Variants in ATP5MJ observed in about 807,000 individuals in gnomAD.
ATP5MJ encodes the protein ATP synthase F(0) complex subunit j, mitochondrial.
Under a neutral mutation model 8.3 loss-of-function variants are expected in ATP5MJ, and 4 were observed. That is an observed-to-expected ratio of 0.48 (90% CI 0.24 to 1.11). The LOEUF (loss-of-function observed/expected upper bound fraction) is 1.11. ATP5MJ is among the 50% of genes least tolerant of loss of function. The probability of loss-of-function intolerance (pLI) is 0.18; values close to 1 mark genes in which losing one functional copy is unlikely to be tolerated. For synonymous variants in ATP5MJ, 23 were observed against 21.3 expected, an observed-to-expected ratio of 1.08 and a Z score of -0.23; for missense variants, 66 against 71.8, an observed-to-expected ratio of 0.92 and a Z score of 0.29.
intron 1 of ATP5MJ, 84 bp downstream of exon 1, chr14:103,921,386 A>C: frequency 3.8e-6 from 1 of 260,490 alleles, no homozygotes. Flanking sequence ...GAACCCCAAG[A>C]TCAGCTGGGG....
At chr14:103,919,582 C>T (rs137935077) in intron 1 of ATP5MJ, among the ~76,000 whole-genome samples, 5 of 151,986 alleles carry the variant, frequency 3.3e-5, no homozygotes, top group Non-Finnish European at 7.4e-5. Context: ...AGGAAAAGGG[C>T]AAAGTAAACT....
chr14:103,919,669 C>T (rs2152108199), intron 1 of ATP5MJ, among the ~76,000 whole-genome samples: 1 of 152,198 alleles, frequency 6.6e-6, no homozygotes, highest in African/African-American at 2.4e-5. Context: ...GGCCCAGGCA[C>T]CCTGGTATGG....
At chr14:103,917,161 G>A (rs1275955786) in intron 1 of ATP5MJ, among the ~76,000 whole-genome samples, 2 of 152,182 alleles carry the variant, frequency 1.3e-5, no homozygotes, top group African/African-American at 2.4e-5. Flanking sequence ...GGAATAGGGA[G>A]GCCACAGTGC....
chr14:103,919,530 G>C (rs1235369910), intron 1 of ATP5MJ, among the ~76,000 whole-genome samples: 1 of 152,222 alleles, frequency 6.6e-6, no homozygotes, highest in African/African-American at 2.4e-5. Flanking sequence ...ATTTAGGCCA[G>C]GTAGGGGCTT....
chr14:103,921,028 C>T (rs1158550770), intron 1 of ATP5MJ: 7 of 1,551,518 alleles, frequency 4.5e-6, no homozygotes, highest in East Asian at 2.4e-5. Flanking sequence ...TCCCTGTTGC[C>T]TCACCCAAGT....
intron 1 of ATP5MJ, among the ~76,000 whole-genome samples, chr14:103,916,168 A>C (rs1426256950): frequency 2.6e-5 from 4 of 152,246 alleles, no homozygotes; most frequent in Admixed American, 2.6e-4. Context: ...CAATTAAGAT[A>C]GAACTTATTT....
chr14:103,920,125 CCTA>C (rs933859390), intron 1 of ATP5MJ, among the ~76,000 whole-genome samples: 7 of 128,718 alleles, frequency 5.4e-5, no homozygotes, highest in African/African-American at 1.2e-4. Flanking sequence ...GCGTCCGGCC[CCTA>C]CTTTTTTTTT....
chr14:103,914,977 C>T (rs545265668), intron 2 of ATP5MJ, 89 bp downstream of exon 2: 5 of 1,548,918 alleles, frequency 3.2e-6, no homozygotes, highest in Admixed American at 3.6e-5. Flanking sequence ...CTAGTTAGAA[C>T]CCATAGTTCC....
intron 3 of ATP5MJ, chr14:103,913,349 A>G (rs2087596165): frequency 2.0e-5 from 3 of 153,306 alleles, no homozygotes; most frequent in Admixed American, 6.5e-5. Context: ...AAACAAAACC[A>G]AACCATTAAA....
chr14:103,919,400 A>G (rs564200084), intron 1 of ATP5MJ, among the ~76,000 whole-genome samples: 1 of 151,326 alleles, frequency 6.6e-6, no homozygotes, highest in African/African-American at 2.4e-5. Flanking sequence ...AAAAAAAAAA[A>G]AAGAATTCAG....
At chr14:103,914,992 C>T (rs1417884348) in intron 2 of ATP5MJ, 74 bp downstream of exon 2, 1 of 1,591,508 alleles carries the variant, frequency 6.3e-7, no homozygotes, top group Non-Finnish European at 8.6e-7. Flanking sequence ...AGTTCCTTTA[C>T]AATGTGAATT....
Position 103,912,603 on chromosome 14 carries a change from C to G in ATP5MJ, c.*63G>C, listed in dbSNP as rs527723918. On this transcript the variant is annotated 3_prime_UTR_variant, in exon 4 of 4. Transcript: ENST00000286953. ...GACGTTCCACGCTCCCCATCTAACA[C>G]GGCTTGCTGAAATTTACAGGCAGAC... is the stretch of plus-strand genomic sequence containing the variant. 6.5e-7 allele frequency: 1 copy of G among 1,544,646 alleles called. No homozygotes were observed. Among genetic ancestry groups the G allele is most frequent in the Admixed American group, 1.7e-5 (1 of 58,718 alleles).
intron 3 of ATP5MJ, chr14:103,913,684 G>A (rs147520936): frequency 1.2e-4 from 64 of 547,666 alleles, no homozygotes; most frequent in African/African-American, 1.0e-3. Context: ...GCTCACTTGT[G>A]CTTCCCTATT....
At chr14:103,920,523 A>G (rs2087668271) in intron 1 of ATP5MJ, among the ~76,000 whole-genome samples, 2 of 141,814 alleles carry the variant, frequency 1.4e-5, no homozygotes, top group South Asian at 2.2e-4. Flanking sequence ...TCAGGCTGGA[A>G]TGCAATGGCG....
intron 2 of ATP5MJ, chr14:103,914,758 G>A (rs1260418974): frequency 7.6e-6 from 4 of 528,412 alleles, no homozygotes; most frequent in Non-Finnish European, 1.3e-5. Flanking sequence ...AATCACCTGA[G>A]CCTAGGAGGT....
chr14:103,918,617 C>T (rs1271876695), intron 1 of ATP5MJ, among the ~76,000 whole-genome samples: 1 of 152,044 alleles, frequency 6.6e-6, no homozygotes. Flanking sequence ...GCCTCGGCCT[C>T]CCAAAGTGCA....
In ATP5MJ at chr14:103,914,003, A is replaced by T; in HGVS notation, c.125-19T>A. 1 of 1,600,732 alleles carries T rather than the reference A, an allele frequency of 6.2e-7. No individual in the cohort carries two copies. Among genetic ancestry groups the T allele is most frequent in the African/African-American group, 1.3e-5 (1 of 74,286 alleles). ...CTTTTATCTAAAATAAAAGGAAGGA[A>T]AAAAAAGCAGTCATATCAATGCTTT... On this transcript the variant is annotated intron_variant, in intron 2 of 3. Coordinates refer to ENST00000286953, the MANE Select transcript of ATP5MJ (RefSeq NM_004894.3).
At chr14:103,921,240 T>C in intron 1 of ATP5MJ, 1 of 558,718 alleles carries the variant, frequency 1.8e-6, no homozygotes. Context: ...TCAGGTGCAC[T>C]GAGCGCGTTA....
At position 103,914,132 on chromosome 14, in the gene ATP5MJ, A is replaced by G. The variant is rs1274882432; in HGVS notation, c.125-148T>C. ...AAATGTCTTATAGCCAAGAAATGGT[A>G]AAATTCCTACCAAAGATGTTCTATG... On this transcript the variant is annotated intron_variant, in intron 2 of 3. Transcript: ENST00000286953. The G allele has an allele frequency of 1.4e-5, 10 of 702,430 alleles. No homozygotes were observed. In the Middle Eastern group the frequency reaches 1.2e-3, roughly 85 times the overall value. The allele number at this position is 702,430 out of a possible 1,614,324, so 43.5% of individuals were successfully genotyped here.
Sources: allele counts gnomAD v4.1 joint callset (sites outside exome capture counted in the v4.1 genomes callset), GRCh38; gene constraint gnomAD v4.1.1; transcripts MANE v1.5; gene names NCBI Gene and HGNC (gene_info 2026-07-23, HGNC 2026-07-21).